PLIN2: variants seen among roughly 807,000 people sequenced by gnomAD.
PLIN2 encodes perilipin-2.
PLIN2 carries 33 observed loss-of-function variants against 30.6 expected under a neutral mutation model. The ratio of observed to expected loss-of-function variants is 1.08; its 90% CI spans 0.82 to 1.44. The LOEUF (loss-of-function observed/expected upper bound fraction) is 1.44. PLIN2 is among the 40% of genes most tolerant of loss of function. The pLI, the probability that PLIN2 is intolerant of heterozygous loss-of-function variation, is 0.00. For synonymous variants in PLIN2, 205 were observed against 201.1 expected (o/e 1.02, Z -0.16); for missense variants, 610 against 531.8 (o/e 1.15, Z -1.45).
chr9:19,117,864 G>A (rs1047475914), intron 7 of PLIN2, among the ~76,000 whole-genome samples: 9 of 152,044 alleles, frequency 5.9e-5, no homozygotes, highest in African/African-American at 4.8e-5. Flanking sequence ...TGATCTACCC[G>A]CCTCGGCCTC....
At chr9:19,118,875 T>C (rs1818270688) in intron 6 of PLIN2, among the ~76,000 whole-genome samples, 1 of 152,148 alleles carries the variant, frequency 6.6e-6, no homozygotes, top group Admixed American at 6.5e-5. Context: ...GTATTTTTAG[T>C]AGAGACAGGA....
rs144789024 is a variant in PLIN2, at chr9:19,116,596, C to T, written c.966G>A (p.Gln322=). The T allele has an allele frequency of 6.0e-5, 97 of 1,614,030 alleles. No individual in the cohort carries two copies. The highest frequency in any genetic ancestry group is 7.5e-5 in the Non-Finnish European group (89 of 1,179,970). ...AIARNLTQQL[Q]TTCHTLLSNI... Reference sequence around the variant, plus strand: ...TGGACAGGAGGGTGTGGCACGTGGTCTGGAGCTGCTGAGTCAGGTTGCGGG... The same window carrying T: ...TGGACAGGAGGGTGTGGCACGTGGTTTGGAGCTGCTGAGTCAGGTTGCGGG... The change falls in exon 8 of 8, where the codon CAG becomes CAA. Residue 322 remains glutamine, a synonymous_variant. Coordinates refer to ENST00000276914, the MANE Select transcript of PLIN2 (RefSeq NM_001122.4).
In PLIN2 at chr9:19,123,758, C is replaced by T. The variant is rs898428375; in HGVS notation, c.227-111G>A. On this transcript the variant is annotated intron_variant, in intron 3 of 7. Coordinates refer to ENST00000276914, the MANE Select transcript of PLIN2 (RefSeq NM_001122.4). Reference sequence around the variant, plus strand: ...ATAATGGGCTGGGCACGGTGGCTCACGCCTGTAATCCCAGCACTTTGGGAG... The same window carrying T: ...ATAATGGGCTGGGCACGGTGGCTCATGCCTGTAATCCCAGCACTTTGGGAG... 24 of 830,620 alleles carry T rather than the reference C, an allele frequency of 2.9e-5. No individual in the cohort carries two copies. The East Asian group carries it at 4.3e-4, about 15-fold the overall frequency. The allele number at this position is 830,620 out of a possible 1,614,324, so 51.5% of individuals were successfully genotyped here.
intron 4 of PLIN2, chr9:19,123,155 A>C: frequency 3.5e-6 from 2 of 568,962 alleles, no homozygotes; most frequent in South Asian, 4.5e-5. Context: ...AGACAAGCCT[A>C]TCATTTTTGT....
intron 3 of PLIN2, 136 bp downstream of exon 3, chr9:19,125,978 G>A (rs1818390387): frequency 3.1e-6 from 2 of 641,150 alleles, no homozygotes; most frequent in South Asian, 4.1e-5. Context: ...CGGTAATGAG[G>A]GTCACCTGAA....
chr9:19,111,501 A>C (rs920260873), downstream of PLIN2, among the ~76,000 whole-genome samples: 1 of 152,166 alleles, frequency 6.6e-6, no homozygotes, highest in Non-Finnish European at 1.5e-5. Flanking sequence ...CTCTCAGCTT[A>C]GGATGGTTGG....
intron 2 of PLIN2, among the ~76,000 whole-genome samples, chr9:19,109,849 G>A (rs1021607134): frequency 3.3e-5 from 5 of 151,312 alleles, no homozygotes; most frequent in African/African-American, 9.7e-5. Context: ...CCAGCTACTC[G>A]GGAGGCTGAG....
downstream of PLIN2, among the ~76,000 whole-genome samples, chr9:19,111,070 T>C (rs1038302665): frequency 6.6e-6 from 1 of 152,136 alleles, no homozygotes; most frequent in Admixed American, 6.6e-5. Flanking sequence ...AATTTTTTTT[T>C]TTTTTGAGAC....
downstream of PLIN2, among the ~76,000 whole-genome samples, chr9:19,113,748 G>C (rs1818185544): frequency 6.7e-6 from 1 of 149,618 alleles, no homozygotes; most frequent in Non-Finnish European, 1.5e-5. Context: ...TAATTTTTGT[G>C]GGGTTTTTTG....
intron 6 of PLIN2, 112 bp downstream of exon 6, chr9:19,119,538 G>T: frequency 1.6e-6 from 1 of 644,628 alleles, no homozygotes; most frequent in Non-Finnish European, 2.7e-6. Flanking sequence ...GTTTTCTATT[G>T]GGTTGTTTGT....
At chr9:19,115,085 C>A (rs1190903520), downstream of PLIN2, among the ~76,000 whole-genome samples, 1 of 152,200 alleles carries the variant, frequency 6.6e-6, no homozygotes, top group African/African-American at 2.4e-5. Context: ...CAATCACTCA[C>A]TTCCTTTCAG....
intron 6 of PLIN2, 112 bp downstream of exon 6, chr9:19,119,538 G>A (rs1818279684): frequency 3.1e-6 from 2 of 644,510 alleles, no homozygotes; most frequent in African/African-American, 1.8e-5. Context: ...GTTTTCTATT[G>A]GGTTGTTTGT....
chr9:19,117,830 G>A (rs1415452578), intron 7 of PLIN2, among the ~76,000 whole-genome samples: 1 of 151,806 alleles, frequency 6.6e-6, no homozygotes, highest in Admixed American at 6.6e-5. Context: ...TGTTGGCCAG[G>A]ATGGTCTCGA....
At chr9:19,125,511 C>A (rs888725193) in intron 3 of PLIN2, 1 of 152,208 alleles carries the variant, frequency 6.6e-6, no homozygotes, top group Non-Finnish European at 1.5e-5. Flanking sequence ...GTCTCAAATT[C>A]CAGGCCTCAA....
intron 4 of PLIN2, 41 bp downstream of exon 4, chr9:19,123,524 A>C (rs1382040338): frequency 2.5e-6 from 4 of 1,614,040 alleles, no homozygotes; most frequent in South Asian, 1.1e-5. Context: ...AGATGAAAAC[A>C]TGTGAAGTGT....
At chr9:19,122,062 T>C (rs1419573279) in intron 4 of PLIN2, among the ~76,000 whole-genome samples, 1 of 134,248 alleles carries the variant, frequency 7.4e-6, no homozygotes, top group Non-Finnish European at 1.5e-5. Flanking sequence ...TGAGCCGAGA[T>C]TGTGCCACTG....
At chr9:19,110,969 TC>T (rs1818151844), downstream of PLIN2, among the ~76,000 whole-genome samples, 2 of 152,160 alleles carry the variant, frequency 1.3e-5, no homozygotes, top group Non-Finnish European at 2.9e-5. Flanking sequence ...GAGAAGAATC[TC>T]AGGCAATTCT....
At chr9:19,125,073 T>C (rs889178901) in intron 3 of PLIN2, among the ~76,000 whole-genome samples, 7 of 152,238 alleles carry the variant, frequency 4.6e-5, no homozygotes, top group Non-Finnish European at 2.9e-5. Flanking sequence ...GGGTGGTTGT[T>C]AGGAAATGGG....
downstream of PLIN2, among the ~76,000 whole-genome samples, chr9:19,113,679 A>C (rs1314424302): frequency 1.4e-5 from 2 of 145,618 alleles, no homozygotes; most frequent in Non-Finnish European, 3.0e-5. Flanking sequence ...GGTTCAGGGG[A>C]TTCTTGTGCC....
Sources: gnomAD v4.1 joint callset for allele counts (sites outside exome capture counted in the v4.1 genomes callset) on GRCh38, gnomAD v4.1.1 for gene constraint, MANE v1.5 for transcripts, NCBI Gene and HGNC (gene_info 2026-07-23, HGNC 2026-07-21) for gene names.